Variants in WWOX observed in about 807,000 individuals in gnomAD.
WWOX encodes the protein WW domain containing oxidoreductase.
A neutral mutation model predicts 46.2 loss-of-function variants in WWOX; 69 were observed. The observed-to-expected ratio is 1.49, with a 90% CI of 1.23 to 1.82. The LOEUF (loss-of-function observed/expected upper bound fraction) is 1.82, where lower values mean the gene tolerates loss of function less well. WWOX is among the 40% of genes most tolerant of loss of function. The pLI is 0.00. For missense variants in WWOX, 919 were observed against 542.6 expected (o/e 1.69, Z -6.89); for synonymous variants, 359 against 202.6 (o/e 1.77, Z -6.56).
intron 8 of WWOX, among the ~76,000 whole-genome samples, chr16:78,809,458 A>T (rs770313315): frequency 1.3e-5 from 2 of 152,086 alleles, no homozygotes; most frequent in Non-Finnish European, 2.9e-5. Context: ...CTTAATTTTC[A>T]GGTTAATATT....
chr16:79,050,306 T>A (rs1385641151), intron 8 of WWOX, among the ~76,000 whole-genome samples: 1 of 152,202 alleles, frequency 6.6e-6, no homozygotes, highest in East Asian at 1.9e-4. Flanking sequence ...TGCCCTAGGC[T>A]GGACATGGGT....
intron 8 of WWOX, among the ~76,000 whole-genome samples, chr16:78,766,318 C>T (rs898760201): frequency 6.6e-5 from 10 of 152,128 alleles, no homozygotes; most frequent in African/African-American, 1.7e-4. Flanking sequence ...CAGAGGAGAC[C>T]GGGCATGGTA....
At chr16:78,664,863 C>G (rs186233271) in intron 8 of WWOX, among the ~76,000 whole-genome samples, 1 of 152,158 alleles carries the variant, frequency 6.6e-6, no homozygotes, top group African/African-American at 2.4e-5. Flanking sequence ...TGTGCATGTG[C>G]GTAAAACGGA....
chr16:79,207,486 ACT>A (rs1392086552), intron 8 of WWOX, among the ~76,000 whole-genome samples: 1 of 151,900 alleles, frequency 6.6e-6, no homozygotes, highest in Non-Finnish European at 1.5e-5. Context: ...TCCTTTCATA[ACT>A]CTACTTTTTG....
intron 8 of WWOX, among the ~76,000 whole-genome samples, chr16:78,892,637 G>A (rs1165528187): frequency 1.3e-5 from 2 of 152,232 alleles, no homozygotes; most frequent in Non-Finnish European, 2.9e-5. Context: ...GAAACACAAG[G>A]TCACCTGCCA....
intron 8 of WWOX, among the ~76,000 whole-genome samples, chr16:78,475,355 A>T (rs2084327198): frequency 6.6e-6 from 1 of 152,180 alleles, no homozygotes; most frequent in Admixed American, 6.5e-5. Context: ...GCACCTTCTT[A>T]AAATATTAGT....
At chr16:78,544,033 G>C (rs1040447301) in intron 8 of WWOX, among the ~76,000 whole-genome samples, 3 of 152,182 alleles carry the variant, frequency 2.0e-5, no homozygotes, top group African/African-American at 7.2e-5. Flanking sequence ...TCTAGTAGTA[G>C]GGCTTAGAGG....
chr16:78,239,148 C>G (rs1338757037), intron 5 of WWOX, among the ~76,000 whole-genome samples: 22 of 152,182 alleles, frequency 1.4e-4, no homozygotes. Flanking sequence ...TTTGGTTCAT[C>G]CTGACTTTGC....
chr16:78,256,345 A>G (rs984197912), intron 5 of WWOX, among the ~76,000 whole-genome samples: 7 of 151,866 alleles, frequency 4.6e-5, no homozygotes, highest in Non-Finnish European at 8.8e-5. Context: ...TTCTAAACCT[A>G]CTGGCCTCTA....
chr16:78,952,508 G>C (rs924388626), intron 8 of WWOX, among the ~76,000 whole-genome samples: 1 of 151,530 alleles, frequency 6.6e-6, no homozygotes, highest in Non-Finnish European at 1.5e-5. Flanking sequence ...TCTGCCTCCT[G>C]AGTAGCTGGG....
intron 8 of WWOX, among the ~76,000 whole-genome samples, chr16:79,021,844 TAC>T (rs1024072886): frequency 1.4e-4 from 22 of 152,152 alleles, no homozygotes; most frequent in African/African-American, 5.3e-4. Context: ...CAATCACACA[TAC>T]ACACAAAAAG....
chr16:78,837,332 C>G (rs1252619990), intron 8 of WWOX, among the ~76,000 whole-genome samples: 3 of 152,154 alleles, frequency 2.0e-5, no homozygotes, highest in Non-Finnish European at 2.9e-5. Flanking sequence ...GCAGTGACTC[C>G]TTTATTCCCT....
intron 8 of WWOX, among the ~76,000 whole-genome samples, chr16:79,046,341 C>T (rs1040762814): frequency 6.6e-6 from 1 of 152,192 alleles, no homozygotes; most frequent in African/African-American, 2.4e-5. Flanking sequence ...ATTAGTCATT[C>T]TCTCTGGTTC....
chr16:78,938,085 A>G (rs544293905), intron 8 of WWOX, among the ~76,000 whole-genome samples: 3 of 152,306 alleles, frequency 2.0e-5, no homozygotes, highest in South Asian at 2.1e-4. Flanking sequence ...CAGGGCTAAG[A>G]TCACCACTCA....
intron 8 of WWOX, among the ~76,000 whole-genome samples, chr16:78,571,093 A>T (rs891925950): frequency 3.3e-5 from 5 of 152,202 alleles, no homozygotes; most frequent in African/African-American, 1.2e-4. Context: ...CTTTATCTGC[A>T]ATGGGAAAGC....
chr16:78,388,668 A>C (rs1306339148), intron 6 of WWOX, among the ~76,000 whole-genome samples: 1 of 149,506 alleles, frequency 6.7e-6, no homozygotes, highest in Non-Finnish European at 1.5e-5. Context: ...AAAAAAAAAA[A>C]AAAAAAAAAG....
At chr16:78,762,254 A>C (rs2049812807) in intron 8 of WWOX, among the ~76,000 whole-genome samples, 1 of 152,170 alleles carries the variant, frequency 6.6e-6, no homozygotes, top group Non-Finnish European at 1.5e-5. Context: ...GTGCCCTTTC[A>C]TCCACCCTCT....
chr16:78,670,231 C>T (rs995763913), intron 8 of WWOX, among the ~76,000 whole-genome samples: 4 of 152,106 alleles, frequency 2.6e-5, no homozygotes, highest in Non-Finnish European at 4.4e-5. Context: ...GGCCAGGCAG[C>T]GTGTGTTGAA....
chr16:78,620,377 C>G lies in WWOX; in HGVS notation c.1056+187625C>G, dbSNP rs78216005. Among the ~76,000 whole-genome samples the G allele has an allele frequency of 3.2e-3, 484 of 152,300 alleles. 11 individuals are homozygous for G. In the East Asian group the frequency reaches 0.075, roughly 24 times the overall value. ...CAGGTGCTTAGGTTTGACAAGTTTCCTCCAACAGACTCGTGTAGAAGTTTC... is the reference window on the plus strand; with the variant it reads ...CAGGTGCTTAGGTTTGACAAGTTTCGTCCAACAGACTCGTGTAGAAGTTTC... On this transcript the variant is annotated intron_variant, in intron 8 of 8. Coordinates refer to ENST00000566780, the MANE Select transcript of WWOX (RefSeq NM_016373.4).
Sources: gnomAD v4.1 joint callset for allele counts (sites outside exome capture counted in the v4.1 genomes callset) on GRCh38, gnomAD v4.1.1 for gene constraint, MANE v1.5 for transcripts, NCBI Gene and HGNC (gene_info 2026-07-23, HGNC 2026-07-21) for gene names.